Variants in TMEM108 observed in about 807,000 individuals in gnomAD.
The protein encoded by TMEM108 is cancer/testis antigen 124.
In TMEM108, 12 loss-of-function variants were observed where a neutral mutation model predicts 35.1. The ratio of observed to expected loss-of-function variants is 0.34; its 90% CI spans 0.22 to 0.55. The LOEUF (loss-of-function observed/expected upper bound fraction) is 0.55. Among genes scored for constraint, TMEM108 ranks in the 20% least tolerant of loss-of-function variants. The pLI is 0.89. For synonymous variants in TMEM108, 287 were observed against 308.6 expected, an observed-to-expected ratio of 0.93 and a Z score of 0.73; for missense variants, 680 against 753.3, an observed-to-expected ratio of 0.90 and a Z score of 1.14.
chr3:133,042,477 T>A (rs999344420), intron 1 of TMEM108, among the ~76,000 whole-genome samples: 5 of 152,364 alleles, frequency 3.3e-5, no homozygotes, highest in African/African-American at 1.2e-4. Flanking sequence ...CTGAGATTGA[T>A]GAGATGGTGG....
At chr3:133,260,088 G>A (rs16840105) in intron 3 of TMEM108, among the ~76,000 whole-genome samples, 7 of 152,108 alleles carry the variant, frequency 4.6e-5, no homozygotes, top group African/African-American at 1.2e-4. Flanking sequence ...GGTGTTAAGC[G>A]TCTTTGCTTC....
intron 2 of TMEM108, among the ~76,000 whole-genome samples, chr3:133,133,495 A>G (rs1347344093): frequency 6.6e-6 from 1 of 152,158 alleles, no homozygotes; most frequent in African/African-American, 2.4e-5. Context: ...TGTGTGACTC[A>G]CTTTATTGTG....
At chr3:133,360,756 A>T (rs184368556) in intron 3 of TMEM108, among the ~76,000 whole-genome samples, 98 of 152,240 alleles carry the variant, frequency 6.4e-4, no homozygotes, top group African/African-American at 2.3e-3. Flanking sequence ...TGGGTGTACC[A>T]CCTGGTGAAA....
chr3:133,071,046 A>G (rs1332913455), intron 2 of TMEM108, among the ~76,000 whole-genome samples: 1 of 152,092 alleles, frequency 6.6e-6, no homozygotes, highest in African/African-American at 2.4e-5. Context: ...CATATTGTAC[A>G]ATGCCTGGTG....
intron 3 of TMEM108, among the ~76,000 whole-genome samples, chr3:133,359,006 A>G (rs1213927408): frequency 1.3e-5 from 2 of 152,208 alleles, no homozygotes; most frequent in Non-Finnish European, 2.9e-5. Context: ...AAATAATGTT[A>G]TATTGAAACA....
intron 2 of TMEM108, among the ~76,000 whole-genome samples, chr3:133,219,909 A>C (rs1945962894): frequency 6.6e-6 from 1 of 152,096 alleles, no homozygotes; most frequent in South Asian, 2.1e-4. Flanking sequence ...CCATTGTTGA[A>C]AGTGGAGCCT....
chr3:133,110,241 G>T (rs1044219206), intron 2 of TMEM108, among the ~76,000 whole-genome samples: 1 of 152,124 alleles, frequency 6.6e-6, no homozygotes, highest in African/African-American at 2.4e-5. Flanking sequence ...ATTTGAGTGT[G>T]GGGGAGGGGG....
chr3:133,095,586 A>G (rs1012248403), intron 2 of TMEM108, among the ~76,000 whole-genome samples: 47 of 152,082 alleles, frequency 3.1e-4, no homozygotes, highest in African/African-American at 1.1e-3. Context: ...CTGCAACTAG[A>G]TGGTCTCATC....
At chr3:133,110,901 A>T (rs1442405539) in intron 2 of TMEM108, among the ~76,000 whole-genome samples, 2 of 152,166 alleles carry the variant, frequency 1.3e-5, no homozygotes, top group Admixed American at 1.3e-4. Context: ...GGTGATGCTA[A>T]TGCTGCTGGT....
At chr3:133,367,131 T>C (rs77136648) in intron 3 of TMEM108, among the ~76,000 whole-genome samples, 3,528 of 152,322 alleles carry the variant, frequency 0.023, 153 homozygotes, top group African/African-American at 0.079. Flanking sequence ...TTTAGATGTT[T>C]CCCATAAGTA....
intron 5 of TMEM108, among the ~76,000 whole-genome samples, chr3:133,393,073 C>T (rs564118311): frequency 3.9e-5 from 6 of 152,320 alleles, no homozygotes; most frequent in African/African-American, 1.2e-4. Flanking sequence ...CCATTGATCA[C>T]ACACCAGCTT....
chr3:133,112,318 C>A (rs1944235557), intron 2 of TMEM108, among the ~76,000 whole-genome samples: 1 of 152,124 alleles, frequency 6.6e-6, no homozygotes, highest in Non-Finnish European at 1.5e-5. Flanking sequence ...TTACTCCATT[C>A]CCCTATCTTC....
At chr3:133,288,367 T>C (rs1006829785) in intron 3 of TMEM108, among the ~76,000 whole-genome samples, 1 of 152,228 alleles carries the variant, frequency 6.6e-6, no homozygotes, top group African/African-American at 2.4e-5. Context: ...CCAAAGAATA[T>C]TTCTACCCAG....
At chr3:133,088,300 G>A (rs1235052549) in intron 2 of TMEM108, among the ~76,000 whole-genome samples, 3 of 152,106 alleles carry the variant, frequency 2.0e-5, no homozygotes, top group East Asian at 3.9e-4. Context: ...AAGGTGTTGA[G>A]TTGGACCTTC....
At chr3:133,348,880 A>C (rs543870657) in intron 3 of TMEM108, among the ~76,000 whole-genome samples, 1 of 152,302 alleles carries the variant, frequency 6.6e-6, no homozygotes, top group Admixed American at 6.5e-5. Flanking sequence ...ATATTTCCAA[A>C]AACAGGATTG....
intron 2 of TMEM108, among the ~76,000 whole-genome samples, chr3:133,222,810 T>C (rs1946011585): frequency 6.6e-6 from 1 of 152,138 alleles, no homozygotes; most frequent in Non-Finnish European, 1.5e-5. Context: ...GTTGAATTGT[T>C]TCTCTGCACT....
chr3:133,220,854 C>G (rs2107851636), intron 2 of TMEM108, among the ~76,000 whole-genome samples: 1 of 152,316 alleles, frequency 6.6e-6, no homozygotes, highest in East Asian at 1.9e-4. Context: ...TAAATTGGGA[C>G]CACCACTACC....
intron 2 of TMEM108, among the ~76,000 whole-genome samples, chr3:133,213,073 C>A (rs926339045): frequency 7.9e-5 from 12 of 152,148 alleles, no homozygotes; most frequent in African/African-American, 2.6e-4. Context: ...TATAAAAAAG[C>A]CTGAGAGACA....
At chr3:133,257,596 G>A (rs1946566080) in intron 3 of TMEM108, among the ~76,000 whole-genome samples, 1 of 152,168 alleles carries the variant, frequency 6.6e-6, no homozygotes, top group African/African-American at 2.4e-5. Flanking sequence ...CATTTATTCA[G>A]TGGTATTTGA....
Sources: allele counts gnomAD v4.1 joint callset (sites outside exome capture counted in the v4.1 genomes callset), GRCh38; gene constraint gnomAD v4.1.1; transcripts MANE v1.5; gene names NCBI Gene and HGNC (gene_info 2026-07-23, HGNC 2026-07-21).